Variants in SNTG2 observed in about 807,000 individuals in gnomAD.
The protein encoded by SNTG2 is gamma-2-syntrophin.
Under a neutral mutation model 70.9 loss-of-function variants are expected in SNTG2, and 74 were observed. That is an observed-to-expected ratio of 1.04 (90% CI 0.86 to 1.27). The LOEUF (loss-of-function observed/expected upper bound fraction) is 1.27, where lower values mean the gene tolerates loss of function less well. Ranked by LOEUF, SNTG2 falls within the 50% of genes most tolerant of loss-of-function variation. The probability of loss-of-function intolerance (pLI) is 0.00; values close to 1 mark genes in which losing one functional copy is unlikely to be tolerated. For missense variants in SNTG2, 717 were observed against 690.7 expected, an observed-to-expected ratio of 1.04 and a Z score of -0.43; for synonymous variants, 278 against 273.8, an observed-to-expected ratio of 1.02 and a Z score of -0.15.
chr2:1,065,239 T>G (rs1388461015), intron 1 of SNTG2, among the ~76,000 whole-genome samples: 1 of 152,068 alleles, frequency 6.6e-6, no homozygotes, highest in Non-Finnish European at 1.5e-5. Context: ...CACCTGCTTT[T>G]CCGGGATGCC....
chr2:1,234,641 T>C (rs1206146980), intron 9 of SNTG2, among the ~76,000 whole-genome samples: 2 of 152,204 alleles, frequency 1.3e-5, no homozygotes, highest in Non-Finnish European at 2.9e-5. Context: ...TCCTTTTTAT[T>C]GCAGGACACA....
chr2:1,063,258 G>A (rs1046957418), intron 1 of SNTG2, among the ~76,000 whole-genome samples: 1 of 152,182 alleles, frequency 6.6e-6, no homozygotes, highest in Non-Finnish European at 1.5e-5. Context: ...GCTCCTCACA[G>A]ATGAGCTAAG....
At chr2:1,273,059 G>A (rs958061248) in intron 14 of SNTG2, among the ~76,000 whole-genome samples, 1 of 152,172 alleles carries the variant, frequency 6.6e-6, no homozygotes, top group Non-Finnish European at 1.5e-5. Flanking sequence ...AGCCGGTCAC[G>A]CACGGTGCTC....
chr2:1,030,368 C>T (rs958640245), intron 1 of SNTG2, among the ~76,000 whole-genome samples: 3 of 152,124 alleles, frequency 2.0e-5, no homozygotes, highest in Admixed American at 1.3e-4. Flanking sequence ...TCAAATGTAG[C>T]TGTGGTCAGA....
At chr2:1,267,820 G>A (rs147954464) in intron 14 of SNTG2, among the ~76,000 whole-genome samples, 6 of 152,290 alleles carry the variant, frequency 3.9e-5, no homozygotes, top group Non-Finnish European at 7.4e-5. Flanking sequence ...TGTGAGGAAC[G>A]GGCTGCATCG....
chr2:1,142,284 C>A (rs1668807060), intron 6 of SNTG2, among the ~76,000 whole-genome samples: 1 of 152,218 alleles, frequency 6.6e-6, no homozygotes, highest in South Asian at 2.1e-4. Context: ...GCAGGTCAAA[C>A]CATCAGCCCT....
intron 8 of SNTG2, among the ~76,000 whole-genome samples, chr2:1,181,220 T>TAA (rs143985923): frequency 0.31 from 47,746 of 151,810 alleles, 8,066 homozygotes; most frequent in East Asian, 0.65. Flanking sequence ...AGTATAATAA[T>TAA]AATAAAATAA....
intron 1 of SNTG2, among the ~76,000 whole-genome samples, chr2:959,131 T>C (rs1317446098): frequency 6.6e-6 from 1 of 152,226 alleles, no homozygotes; most frequent in Non-Finnish European, 1.5e-5. Context: ...CTATGTTGAA[T>C]AATATTGTAA....
intron 4 of SNTG2, among the ~76,000 whole-genome samples, chr2:1,113,646 CT>C (rs1666690577): frequency 6.6e-6 from 1 of 151,590 alleles, no homozygotes; most frequent in African/African-American, 2.4e-5. Flanking sequence ...CCTTACAGTC[CT>C]TTGAGGAGGA....
chr2:1,158,045 C>T (rs908994180), intron 6 of SNTG2, among the ~76,000 whole-genome samples: 2 of 152,174 alleles, frequency 1.3e-5, no homozygotes, highest in African/African-American at 2.4e-5. Flanking sequence ...AGCACACACT[C>T]AGGTGGGGGC....
intron 2 of SNTG2, among the ~76,000 whole-genome samples, chr2:1,085,158 G>A (rs374705132): frequency 6.6e-6 from 1 of 151,786 alleles, no homozygotes; most frequent in Non-Finnish European, 1.5e-5. Context: ...TCCTCCACTT[G>A]TTCTAAATAC....
At chr2:1,086,183 G>C (rs919543189) in intron 2 of SNTG2, among the ~76,000 whole-genome samples, 1 of 152,104 alleles carries the variant, frequency 6.6e-6, no homozygotes, top group African/African-American at 2.4e-5. Context: ...AACAGTGCTG[G>C]GTGACTATTA....
intron 1 of SNTG2, among the ~76,000 whole-genome samples, chr2:1,037,019 C>T (rs572885847): frequency 2.6e-5 from 4 of 152,334 alleles, no homozygotes; most frequent in African/African-American, 4.8e-5. Flanking sequence ...CAGGGGCACC[C>T]GTGCCTTGCA....
chr2:1,152,249 C>T (rs1277229947), intron 6 of SNTG2, among the ~76,000 whole-genome samples: 1 of 152,154 alleles, frequency 6.6e-6, no homozygotes, highest in Non-Finnish European at 1.5e-5. Flanking sequence ...GACAATCTAC[C>T]ACTCTTATTT....
At chr2:1,243,349 G>T (rs1677171253) in intron 11 of SNTG2, among the ~76,000 whole-genome samples, 2 of 152,178 alleles carry the variant, frequency 1.3e-5, no homozygotes, top group Non-Finnish European at 2.9e-5. Context: ...ACAGCTCATG[G>T]GGCCTCCCAG....
chr2:1,356,936 G>GTT (rs911200527), intron 16 of SNTG2, among the ~76,000 whole-genome samples: 2 of 148,922 alleles, frequency 1.3e-5, no homozygotes, highest in Non-Finnish European at 3.0e-5. Context: ...TTGTAAGTGG[G>GTT]TTTTTTTTTT....
chr2:991,576 G>C (rs1480292219), intron 1 of SNTG2, among the ~76,000 whole-genome samples: 1 of 152,160 alleles, frequency 6.6e-6, no homozygotes, highest in Non-Finnish European at 1.5e-5. Context: ...ATGGGGATGT[G>C]AGGCATGTTT....
chr2:1,007,677 A>C (rs1296607036), intron 1 of SNTG2, among the ~76,000 whole-genome samples: 1 of 152,212 alleles, frequency 6.6e-6, no homozygotes. Context: ...GAGAGCACTC[A>C]GTAAGCGTTC....
At chr2:1,296,197 G>A (rs1216400665) in intron 14 of SNTG2, among the ~76,000 whole-genome samples, 2 of 152,228 alleles carry the variant, frequency 1.3e-5, no homozygotes, top group Non-Finnish European at 2.9e-5. Context: ...GGCCACTTCT[G>A]TGCTAATGCT....
Sources: allele counts gnomAD v4.1 joint callset (sites outside exome capture counted in the v4.1 genomes callset), GRCh38; gene constraint gnomAD v4.1.1; transcripts MANE v1.5; gene names NCBI Gene and HGNC (gene_info 2026-07-23, HGNC 2026-07-21).